Variants in STRBP observed in about 807,000 individuals in gnomAD.
STRBP encodes spermatid perinuclear RNA binding protein.
STRBP carries 13 observed loss-of-function variants against 80.1 expected under a neutral mutation model. That is an observed-to-expected ratio of 0.16 (90% CI 0.11 to 0.26). STRBP has a LOEUF of 0.26. Among genes scored for constraint, STRBP ranks in the 10% least tolerant of loss-of-function variants. The pLI is 1.00. For missense variants in STRBP, 485 were observed against 815.2 expected (o/e 0.59, Z 4.93); for synonymous variants, 284 against 291.2 (o/e 0.98, Z 0.25).
At chr9:123,158,685 T>C (rs1189108338) in intron 9 of STRBP, among the ~76,000 whole-genome samples, 5 of 152,164 alleles carry the variant, frequency 3.3e-5, no homozygotes, top group Admixed American at 3.3e-4. Context: ...ACTCTGAGAA[T>C]TTAGAAACAG....
At chr9:123,151,669 T>C (rs2037062381) in intron 11 of STRBP, among the ~76,000 whole-genome samples, 2 of 152,148 alleles carry the variant, frequency 1.3e-5, no homozygotes, top group Admixed American at 1.3e-4. Context: ...CCAAAGACTG[T>C]GATGTACATA....
intron 3 of STRBP, among the ~76,000 whole-genome samples, chr9:123,182,217 TAAAAAAAAAAAAAAAAAA>T (rs10546358): frequency 2.0e-4 from 14 of 69,802 alleles, no homozygotes; most frequent in Non-Finnish European, 3.9e-4. Context: ...TCCGTTTCTT[TAAAAAAAAAAAAAAAAAA>T]AAAAAAAAAA....
intron 1 of STRBP, among the ~76,000 whole-genome samples, chr9:123,245,115 G>A (rs986568157): frequency 1.3e-5 from 2 of 152,166 alleles, no homozygotes; most frequent in East Asian, 1.9e-4. Context: ...TTACAGAGAT[G>A]GATTACTCAG....
chr9:123,254,451 C>T (rs550087091), intron 1 of STRBP, among the ~76,000 whole-genome samples: 3 of 135,834 alleles, frequency 2.2e-5, no homozygotes, highest in African/African-American at 8.3e-5. Context: ...CGTGAGACTC[C>T]GTCTCAAAAA....
chr9:123,239,247 C>T (rs2040641217), intron 1 of STRBP, among the ~76,000 whole-genome samples: 1 of 151,944 alleles, frequency 6.6e-6, no homozygotes, highest in African/African-American at 2.4e-5. Flanking sequence ...TGGTGGCGGG[C>T]GCCTGTAGTC....
intron 1 of STRBP, among the ~76,000 whole-genome samples, chr9:123,254,329 C>T (rs991043334): frequency 1.3e-5 from 2 of 151,932 alleles, no homozygotes; most frequent in South Asian, 2.1e-4. Flanking sequence ...GGCGTGGTGG[C>T]GGGCACCTGT....
chr9:123,132,814 G>C, intron 17 of STRBP, 31 bp downstream of exon 17: 1 of 1,609,964 alleles, frequency 6.2e-7, no homozygotes, highest in Non-Finnish European at 8.5e-7. Context: ...GCCCAGTAAA[G>C]GGGGCCAATC....
At chr9:123,238,394 G>A (rs773953636) in intron 1 of STRBP, among the ~76,000 whole-genome samples, 32 of 152,360 alleles carry the variant, frequency 2.1e-4, no homozygotes, top group Non-Finnish European at 3.7e-4. Context: ...ACTTGGTGGT[G>A]CAAAATGTTC....
At chr9:123,137,062 T>C (rs991216996) in intron 14 of STRBP, among the ~76,000 whole-genome samples, 1 of 152,218 alleles carries the variant, frequency 6.6e-6, no homozygotes, top group Non-Finnish European at 1.5e-5. Context: ...AGTCACTCTC[T>C]GCCCTCAAGG....
chr9:123,200,287 T>C (rs540789060), intron 2 of STRBP, among the ~76,000 whole-genome samples: 44 of 152,338 alleles, frequency 2.9e-4, no homozygotes, highest in African/African-American at 1.0e-3. Context: ...TGATCAATTA[T>C]CTTTTTGATG....
At chr9:123,253,960 G>A (rs1017373133) in intron 1 of STRBP, among the ~76,000 whole-genome samples, 47 of 152,238 alleles carry the variant, frequency 3.1e-4, no homozygotes, top group African/African-American at 1.1e-3. Flanking sequence ...TACATAAAGT[G>A]GTGGTTGCTC....
intron 1 of STRBP, among the ~76,000 whole-genome samples, chr9:123,254,051 G>A (rs927651304): frequency 5.8e-5 from 7 of 121,738 alleles, no homozygotes; most frequent in South Asian, 3.1e-4. Context: ...CAGAAGGAAC[G>A]AGGGGGAAAA....
intron 6 of STRBP, among the ~76,000 whole-genome samples, chr9:123,165,765 G>A (rs1383774931): frequency 6.6e-6 from 1 of 152,114 alleles, no homozygotes; most frequent in Non-Finnish European, 1.5e-5. Flanking sequence ...CTGCATACTA[G>A]ACGTAGAGTC....
At chr9:123,201,857 C>A (rs570504879) in intron 2 of STRBP, among the ~76,000 whole-genome samples, 1 of 152,188 alleles carries the variant, frequency 6.6e-6, no homozygotes, top group Non-Finnish European at 1.5e-5. Context: ...AAATCTACCA[C>A]TGCTATTGTT....
chr9:123,179,016 T>C lies in STRBP; in HGVS notation c.215A>G (p.Asn72Ser), dbSNP rs1342399545. The change falls in exon 4 of 19, where the codon AAC becomes AGC. Residue 72 changes from asparagine to serine, a missense_variant. This residue lies in a region of STRBP where 377 missense variants were observed against 616.1 expected (regional missense o/e 0.61). Coordinates refer to ENST00000348403, the MANE Select transcript of STRBP (RefSeq NM_018387.5). ...GTCAGTCCACACTCACTTGGAATAGTTTTCTCCGGCCTCATCTTTCTTCAC... is the reference window on the plus strand; with the variant it reads ...GTCAGTCCACACTCACTTGGAATAGCTTTCTCCGGCCTCATCTTTCTTCAC... ...TEVKKDEAGE[N>S]YSKDQGGRTL... The C allele has an allele frequency of 3.7e-6, 6 of 1,614,052 alleles. No homozygotes were observed. Among genetic ancestry groups the C allele is most frequent in the Non-Finnish European group, 4.2e-6 (5 of 1,179,960 alleles).
At chr9:123,135,797 A>G in intron 16 of STRBP, 1 of 301,640 alleles carries the variant, frequency 3.3e-6, no homozygotes, top group East Asian at 6.4e-5. Flanking sequence ...TAATGCTAAT[A>G]GCCTCATATA....
chr9:123,200,712 C>T (rs1280237433), intron 2 of STRBP, among the ~76,000 whole-genome samples: 4 of 142,166 alleles, frequency 2.8e-5, no homozygotes, highest in East Asian at 2.1e-4. Context: ...GGACTACAGG[C>T]GCCCCGCCAC....
At chr9:123,227,976 G>C (rs1311621935) in intron 2 of STRBP, among the ~76,000 whole-genome samples, 2 of 152,216 alleles carry the variant, frequency 1.3e-5, no homozygotes, top group Non-Finnish European at 2.9e-5. Context: ...GGTGAGACAT[G>C]ATAATCAGAC....
chr9:123,205,292 C>T (rs1054350530), intron 2 of STRBP, among the ~76,000 whole-genome samples: 20 of 152,096 alleles, frequency 1.3e-4, no homozygotes, highest in African/African-American at 4.8e-4. Flanking sequence ...CAAATATTCT[C>T]TGTCCTCCTC....
Sources: gnomAD v4.1 joint callset for allele counts (sites outside exome capture counted in the v4.1 genomes callset) on GRCh38, gnomAD v4.1.1 for gene constraint, gnomAD v4.1.1 regional missense constraint, MANE v1.5 for transcripts, NCBI Gene and HGNC (gene_info 2026-07-23, HGNC 2026-07-21) for gene names.